The following DLC1 variants were observed in gnomAD, a reference collection of about 807,000 sequenced individuals.
The protein encoded by DLC1 is DLC1 Rho GTPase activating protein.
Under a neutral mutation model 140.3 loss-of-function variants are expected in DLC1, and 54 were observed. The observed-to-expected ratio is 0.38, with a 90% CI of 0.31 to 0.48. The LOEUF is 0.48. Among genes scored for constraint, DLC1 ranks in the 20% least tolerant of loss-of-function variants. DLC1 has a pLI of 0.96. For synonymous variants in DLC1, 986 were observed against 728.1 expected (o/e 1.35, Z -5.70); for missense variants, 2,536 against 1,907.0 (o/e 1.33, Z -6.14).
chr8:13,526,183 C>T (rs893264163), intron 1 of DLC1, among the ~76,000 whole-genome samples: 92 of 152,212 alleles, frequency 6.0e-4, no homozygotes, highest in African/African-American at 2.1e-3. Flanking sequence ...ATTTTTCTAT[C>T]GCATACAATA....
intron 4 of DLC1, among the ~76,000 whole-genome samples, chr8:13,307,503 C>G (rs961595978): frequency 2.6e-5 from 4 of 152,102 alleles, no homozygotes; most frequent in African/African-American, 9.7e-5. Context: ...GAATTAAATC[C>G]AAACTATGTA....
At chr8:13,565,200 C>T (rs1585279928) in intron 1 of DLC1, among the ~76,000 whole-genome samples, 1 of 152,088 alleles carries the variant, frequency 6.6e-6, no homozygotes, top group Admixed American at 6.6e-5. Flanking sequence ...CATATATCTC[C>T]TTCTAGGATA....
intron 5 of DLC1, among the ~76,000 whole-genome samples, chr8:13,269,903 A>T (rs900237497): frequency 1.1e-4 from 5 of 46,802 alleles, no homozygotes; most frequent in African/African-American, 3.2e-4. Context: ...TAAAAATACA[A>T]AAAAAAAAAA....
At chr8:13,597,002 G>A (rs1223672781) in intron 1 of DLC1, among the ~76,000 whole-genome samples, 1 of 151,776 alleles carries the variant, frequency 6.6e-6, no homozygotes, top group East Asian at 1.9e-4. Context: ...TTGTTTGAAG[G>A]AGAGATTGGC....
At chr8:13,236,566 G>C (rs1425244095) in intron 5 of DLC1, among the ~76,000 whole-genome samples, 1 of 152,058 alleles carries the variant, frequency 6.6e-6, no homozygotes, top group Non-Finnish European at 1.5e-5. Context: ...CAATGTATTT[G>C]ATTGTATTGA....
chr8:13,286,343 C>A (rs908138229), intron 5 of DLC1, among the ~76,000 whole-genome samples: 2 of 151,898 alleles, frequency 1.3e-5, no homozygotes, highest in Admixed American at 6.6e-5. Flanking sequence ...ATATGTATAT[C>A]GAAATGACAT....
At chr8:13,095,791 G>T (rs1818454029) in intron 10 of DLC1, 2 of 154,074 alleles carry the variant, frequency 1.3e-5, no homozygotes, top group Admixed American at 1.3e-4. Context: ...AGCATTTAGG[G>T]TCAAAAGGCG....
chr8:13,530,962 G>A (rs1448766368), intron 1 of DLC1, among the ~76,000 whole-genome samples: 2 of 152,158 alleles, frequency 1.3e-5, no homozygotes, highest in African/African-American at 4.8e-5. Context: ...GATGGTATTT[G>A]GAGATGATGC....
intron 4 of DLC1, among the ~76,000 whole-genome samples, chr8:13,349,402 G>GA (rs945923992): frequency 4.0e-5 from 6 of 151,692 alleles, no homozygotes; most frequent in African/African-American, 7.3e-5. Flanking sequence ...AAGAAAGAAA[G>GA]AAAAAAACGG....
At chr8:13,373,192 A>T (rs1442160331) in intron 4 of DLC1, among the ~76,000 whole-genome samples, 1 of 152,072 alleles carries the variant, frequency 6.6e-6, no homozygotes, top group South Asian at 2.1e-4. Context: ...AATTTTTAAG[A>T]TGGGTGCAAA....
chr8:13,379,907 A>ACAC lies in DLC1; in HGVS notation c.1314+13643_1314+13645dup, dbSNP rs1836174094. 2.0e-5 allele frequency among the ~76,000 whole-genome samples: 3 copies of ACAC among 152,336 alleles called. No individual in the cohort carries two copies. The South Asian group carries it at 6.2e-4, about 32-fold the overall frequency. On this transcript the variant is annotated intron_variant, in intron 4 of 17. Coordinates refer to ENST00000276297, the MANE Select transcript of DLC1 (RefSeq NM_182643.3). ...AACTAACACAGGAACAGAAAACGAA[A>ACAC]CACCGCATGTTCTCACTCATATGTG... is the stretch of plus-strand genomic sequence containing the variant.
At chr8:13,348,743 G>A (rs1834491797) in intron 4 of DLC1, among the ~76,000 whole-genome samples, 1 of 152,146 alleles carries the variant, frequency 6.6e-6, no homozygotes, top group Admixed American at 6.5e-5. Flanking sequence ...AGAAAAAAAT[G>A]GAAGCGAAGG....
chr8:13,588,520 G>T (rs1805408903), intron 1 of DLC1, among the ~76,000 whole-genome samples: 2 of 152,058 alleles, frequency 1.3e-5, no homozygotes, highest in Admixed American at 6.6e-5. Context: ...GAATTCCACT[G>T]CAAGAATTAT....
intron 2 of DLC1, among the ~76,000 whole-genome samples, chr8:13,459,746 G>T (rs1020514019): frequency 6.6e-6 from 1 of 151,970 alleles, no homozygotes; most frequent in Non-Finnish European, 1.5e-5. Flanking sequence ...TGACCCCTTT[G>T]ATTTTTAGAA....
intron 5 of DLC1, among the ~76,000 whole-genome samples, chr8:13,240,142 C>A (rs144492398): frequency 6.0e-4 from 92 of 152,226 alleles, no homozygotes; most frequent in Non-Finnish European, 1.1e-3. Context: ...GGAAGTTACA[C>A]CTCAAGTAGA....
intron 5 of DLC1, among the ~76,000 whole-genome samples, chr8:13,243,788 C>T (rs915599135): frequency 6.6e-6 from 1 of 152,184 alleles, no homozygotes; most frequent in Non-Finnish European, 1.5e-5. Flanking sequence ...ATTCCAAGGG[C>T]CAAAAGAGCT....
intron 2 of DLC1, among the ~76,000 whole-genome samples, chr8:13,443,116 A>T (rs569654931): frequency 6.6e-6 from 1 of 150,624 alleles, no homozygotes; most frequent in East Asian, 2.0e-4. Context: ...AAAAAACCAA[A>T]CACTGCATGT....
chr8:13,120,947 C>T (rs1224187540), intron 5 of DLC1, among the ~76,000 whole-genome samples: 1 of 152,116 alleles, frequency 6.6e-6, no homozygotes, highest in Non-Finnish European at 1.5e-5. Context: ...GCTGGTTGAG[C>T]AACAGTAATT....
At chr8:13,418,753 A>C (rs1838185306) in intron 2 of DLC1, among the ~76,000 whole-genome samples, 1 of 152,124 alleles carries the variant, frequency 6.6e-6, no homozygotes, top group African/African-American at 2.4e-5. Context: ...TTGTGAAGAA[A>C]GTCATTGGTA....
Sources: allele counts gnomAD v4.1 joint callset (sites outside exome capture counted in the v4.1 genomes callset), GRCh38; gene constraint gnomAD v4.1.1; transcripts MANE v1.5; gene names NCBI Gene and HGNC (gene_info 2026-07-23, HGNC 2026-07-21).